Variants in ATRIP observed in about 807,000 individuals in gnomAD.
ATRIP encodes ATR interacting protein, also known as ATR-interacting protein.
ATRIP carries 44 observed loss-of-function variants against 78.1 expected under a neutral mutation model. That is an observed-to-expected ratio of 0.56 (90% CI 0.44 to 0.72). The LOEUF (loss-of-function observed/expected upper bound fraction) is 0.72, where lower values mean the gene tolerates loss of function less well. Ranked by LOEUF, ATRIP falls within the 30% of genes least tolerant of loss-of-function variation. The pLI is 0.00. For synonymous variants in ATRIP, 388 were observed against 408.9 expected (o/e 0.95, Z 0.62); for missense variants, 927 against 980.2 (o/e 0.95, Z 0.72).
chr3:48,460,357 C>T lies in ATRIP; in HGVS notation c.1303C>T (p.Gln435Ter). 6.2e-7 allele frequency: 1 copy of T among 1,613,092 alleles called. No individual in the cohort carries two copies. The highest frequency in any genetic ancestry group is 8.5e-7 in the Non-Finnish European group (1 of 1,179,466). Residue 435 changes from glutamine to a stop codon, truncating the protein, a stop_gained, in exon 8 of 13, where the codon CAG (glutamine) becomes TAG (stop). Coordinates refer to ENST00000320211, the MANE Select transcript of ATRIP (RefSeq NM_130384.3). LOFTEE classifies it high-confidence loss of function. ...CATCGGCTTACACTGCCAGGCCCTG[C>T]AGGACTTGGCAGCTGCTAAGAGAAG... is the stretch of plus-strand genomic sequence containing the variant. ...FFIGLHCQAL[Q>*]DLAAAKRSGA...
chr3:48,462,499 C>T (rs1460929995), intron 8 of ATRIP, among the ~76,000 whole-genome samples: 1 of 152,050 alleles, frequency 6.6e-6, no homozygotes, highest in African/African-American at 2.4e-5. Flanking sequence ...GTCAGGAGAT[C>T]GAGACCATCC....
In ATRIP at chr3:48,459,790, C is replaced by G; in HGVS notation, c.929C>G (p.Ser310Cys). The G allele has an allele frequency of 6.2e-7, 1 of 1,610,668 alleles. No homozygotes were observed. Among genetic ancestry groups the G allele is most frequent in the Non-Finnish European group, 8.5e-7 (1 of 1,179,080 alleles). ...SWRQRSNTQG[S>C]ILINLLLKQP... ...AGAGTCATCTTGTCTTCTGCAGGTT[C>G]CATTTTGATAAACCTGCTCCTGAAG... The change falls in exon 7 of 13, where the codon TCC (serine) becomes TGC (cysteine). Residue 310 changes from serine (S) to cysteine (C), a missense_variant. Physicochemically the swap from Ser to Cys is moderately radical, Grantham distance 112. Coordinates refer to ENST00000320211, the MANE Select transcript of ATRIP (RefSeq NM_130384.3).
At position 48,457,160 on chromosome 3, in the gene ATRIP, G is replaced by A. The variant is rs966776830; in HGVS notation, c.672-99G>A. 5.9e-6 allele frequency: 7 copies of A among 1,176,512 alleles called. No individual in the cohort carries two copies. In the Admixed American group the frequency reaches 1.0e-4, roughly 18 times the overall value. The allele number at this position is 1,176,512 out of a possible 1,614,324, so 72.9% of individuals were successfully genotyped here. ...ATAAAACCTTTGGTTAAAACACCTA[G>A]ACATGAAAAGTTTAAAGTTTGTTAG... On this transcript the variant is annotated intron_variant, in intron 4 of 12. Coordinates refer to ENST00000320211, the MANE Select transcript of ATRIP (RefSeq NM_130384.3).
At chr3:48,458,351 TCTCA>T (rs2040009897) in intron 5 of ATRIP, among the ~76,000 whole-genome samples, 1 of 147,734 alleles carries the variant, frequency 6.8e-6, no homozygotes, top group Non-Finnish European at 1.5e-5. Context: ...TGAGGCGGAG[TCTCA>T]CTCTGTCACC....
chr3:48,460,118 C>A lies in ATRIP; in HGVS notation c.1064C>A (p.Ala355Asp). The A allele has an allele frequency of 1.2e-6, 2 of 1,609,998 alleles. No homozygotes were observed. The highest frequency in any genetic ancestry group is 1.7e-6 in the Non-Finnish European group (2 of 1,177,888). Residue 355 changes from alanine to aspartate, a missense_variant, in exon 8 of 13, where the codon GCT (alanine) becomes GAT (aspartate). Physicochemically the swap from Ala to Asp is moderately radical, Grantham distance 126. Coordinates refer to ENST00000320211, the MANE Select transcript of ATRIP (RefSeq NM_130384.3). Reference protein sequence around the residue: ...LQPPGFGSTLAGMSGLRTTGS... With the variant: ...LQPPGFGSTLDGMSGLRTTGS... ...TTTGTGTTTGTTGCCAGTACCTTGG[C>A]TGGAATGTCAGGCCTCAGGACCACA...
rs772723843 is a variant in ATRIP, at chr3:48,457,319, A to T, written c.732A>T (p.Lys244Asn). The T allele has an allele frequency of 6.2e-7, 1 of 1,606,932 alleles. No individual in the cohort carries two copies. Among genetic ancestry groups the T allele is most frequent in the Non-Finnish European group, 8.5e-7 (1 of 1,177,046 alleles). The change falls in exon 5 of 13, where the codon AAA becomes AAT. Residue 244 changes from lysine (K) to asparagine (N), a missense_variant. Coordinates refer to ENST00000320211, the MANE Select transcript of ATRIP (RefSeq NM_130384.3). ...KPEACSPQFG[K>N]TSFPTKESFS... ...AAGCATGTTCTCCACAATTTGGAAA[A>T]ACATCTTTTCCTACAAAGGAGTCTT...
chr3:48,455,158 T>C (rs2039925607), intron 4 of ATRIP, among the ~76,000 whole-genome samples: 1 of 152,120 alleles, frequency 6.6e-6, no homozygotes, highest in African/African-American at 2.4e-5. Context: ...CCACTGTGCC[T>C]GGCGCAGCCT....
At chr3:48,459,756 G>C in intron 6 of ATRIP, 31 bp from the exon 7 acceptor site, 1 of 1,600,910 alleles carries the variant, frequency 6.2e-7, no homozygotes, top group Non-Finnish European at 8.5e-7. Context: ...TCCCATGTCA[G>C]AACCTTCTAG....
Position 48,447,282 on chromosome 3 carries a change from G to A in ATRIP, c.247+190G>A, listed in dbSNP as rs2039704717. ...ATTTTAGGGGGAAATGCATTAGCCA[G>A]GTCAAACAGCCGATTTGAAACACAG... On this transcript the variant is annotated intron_variant, in intron 1 of 12. Coordinates refer to ENST00000320211, the MANE Select transcript of ATRIP (RefSeq NM_130384.3). 2.4e-6 allele frequency: 3 copies of A among 1,250,548 alleles called. No individual in the cohort carries two copies. In the Admixed American group the frequency reaches 1.3e-4, roughly 53 times the overall value. 77.5% of individuals were successfully genotyped at this position (1,250,548 alleles called of 1,614,324 possible). A position where few individuals can be genotyped will look rare whatever the true frequency, so the allele number is the denominator to read the frequency against.
intron 4 of ATRIP, among the ~76,000 whole-genome samples, chr3:48,454,710 G>A (rs2039913022): frequency 6.6e-6 from 1 of 152,138 alleles, no homozygotes; most frequent in African/African-American, 2.4e-5. Flanking sequence ...GGGTGGGCTA[G>A]TCTCTACTTT....
chr3:48,447,149 C>T (rs2039699836), intron 1 of ATRIP, 57 bp downstream of exon 1: 1 of 1,403,372 alleles, frequency 7.1e-7, no homozygotes, highest in African/African-American at 1.5e-5. Context: ...GCCAGATCCC[C>T]TTGATGGCTG....
rs1320698159 is a variant in ATRIP at position 48,460,753 on chromosome 3, G to A, written c.1699G>A (p.Val567Ile). The A allele has an allele frequency of 1.2e-6, 2 of 1,604,144 alleles. No homozygotes were observed. The highest frequency in any genetic ancestry group is 1.7e-6 in the Non-Finnish European group (2 of 1,171,850). Residue 567 changes from valine to isoleucine, a missense_variant, in exon 8 of 13, where the codon GTT becomes ATT. By Grantham distance (29) the Val-to-Ile change is conservative. Transcript: ENST00000320211. ...QASVLTQCLK[V>I]LVKLAENTSC... ...CAGTGTCCTGACCCAGTGCCTTAAG[G>A]TTTTGGTGAAATTAGCCGAAAACAC...
intron 8 of ATRIP, among the ~76,000 whole-genome samples, chr3:48,462,930 G>T (rs1054579413): frequency 1.5e-4 from 23 of 152,164 alleles, no homozygotes; most frequent in African/African-American, 5.5e-4. Flanking sequence ...TGCAGGATTT[G>T]CCCTAAAGTG....
At chr3:48,449,515 T>C (rs2039778221) in intron 1 of ATRIP, among the ~76,000 whole-genome samples, 1 of 151,026 alleles carries the variant, frequency 6.6e-6, no homozygotes, top group Non-Finnish European at 1.5e-5. Flanking sequence ...CCTGCTTTGC[T>C]CTCAAGAGTA....
rs776542412 is a variant in ATRIP at position 48,446,798 on chromosome 3, A to C, written c.-48A>C. On this transcript the variant is annotated 5_prime_UTR_variant, in exon 1 of 13. Transcript: ENST00000320211. ...TGGTCCAGTTCTCCGGCCTGGCGGC[A>C]GGCAAGTCTAGCTCGGCGCTGTCGG... 1 of 1,358,926 alleles carries C rather than the reference A, an allele frequency of 7.4e-7. No homozygotes were observed. 84.2% of individuals were successfully genotyped at this position (1,358,926 alleles called of 1,614,324 possible).
Position 48,467,404 on chromosome 3 carries a change from C to T in ATRIP, c.*1850C>T, listed in dbSNP as rs2040376821. On this transcript the variant is annotated 3_prime_UTR_variant, in exon 13 of 13. Transcript: ENST00000320211. ...AAGCCAAGACCATCTGCTGTCACAA[C>T]CACTGCACACCTGGCCACAACCAGG... 3 of 1,614,214 alleles carry T rather than the reference C, an allele frequency of 1.9e-6. No individual in the cohort carries two copies. Among genetic ancestry groups the T allele is most frequent in the African/African-American group, 2.7e-5 (2 of 75,068 alleles).
rs1179208432 is a variant in ATRIP at position 48,466,657 on chromosome 3, T to C, written c.*1103T>C. On this transcript the variant is annotated 3_prime_UTR_variant, in exon 13 of 13. Coordinates refer to ENST00000320211, the MANE Select transcript of ATRIP (RefSeq NM_130384.3). ...TCAGCAGCAGGTACGTACCCAACCA[T>C]GGGCTCGCAGGCCCTGCCCCCGGGG... is the stretch of plus-strand genomic sequence containing the variant. 2 of 1,610,574 alleles carry C rather than the reference T, an allele frequency of 1.2e-6. No homozygotes were observed. Among genetic ancestry groups the C allele is most frequent in the Non-Finnish European group, 8.5e-7 (1 of 1,178,108 alleles).
intron 2 of ATRIP, chr3:48,450,690 G>A (rs1185316777): frequency 6.6e-6 from 3 of 451,432 alleles, no homozygotes; most frequent in African/African-American, 2.1e-5. Flanking sequence ...GGTTTTAAGC[G>A]ATTCACATGC....
At chr3:48,449,184 T>G (rs190741429) in intron 1 of ATRIP, among the ~76,000 whole-genome samples, 5 of 151,176 alleles carry the variant, frequency 3.3e-5, no homozygotes, top group Admixed American at 2.0e-4. Context: ...GAGGCCAAGG[T>G]GGGCTGATCA....
Sources: allele counts gnomAD v4.1 joint callset (sites outside exome capture counted in the v4.1 genomes callset), GRCh38; gene constraint gnomAD v4.1.1; transcripts MANE v1.5; gene names NCBI Gene and HGNC (gene_info 2026-07-23, HGNC 2026-07-21).